The following RAB7B variants were observed in gnomAD, a reference collection of about 807,000 sequenced individuals.
The protein encoded by RAB7B is RAB7B, member RAS oncogene family, also known as ras-related protein Rab-7b.
chr1:205,984,405 G>T (rs951423828), intron 5 of RAB7B, among the ~76,000 whole-genome samples: 1 of 152,196 alleles, frequency 6.6e-6, no homozygotes, highest in African/African-American at 2.4e-5. Flanking sequence ...TCCCATGAGG[G>T]CGGCGGATGC....
chr1:205,985,791 G>GCCCACCAGGCCCACCAGGCCCACCATC, intron 4 of RAB7B, 126 bp from the exon 5 acceptor site: 1 of 277,176 alleles, frequency 3.6e-6, no homozygotes, highest in East Asian at 5.2e-5. Context: ...TCCCCACCAG[G>GCCCACCAGGCCCACCAGGCCCACCATC]CCCACCATCC....
intron 4 of RAB7B, among the ~76,000 whole-genome samples, chr1:205,989,714 T>TGGTGCC (rs1660684169): frequency 6.6e-6 from 1 of 152,202 alleles, no homozygotes; most frequent in South Asian, 2.1e-4. Flanking sequence ...CTTCTTTCCT[T>TGGTGCC]CGTGGTTTCT....
At chr1:205,990,140 C>A (rs1430881610) in intron 4 of RAB7B, among the ~76,000 whole-genome samples, 3 of 152,196 alleles carry the variant, frequency 2.0e-5, no homozygotes, top group Non-Finnish European at 2.9e-5. Context: ...AGACAGTCTA[C>A]CCTGGATACA....
At position 205,990,481 on chromosome 1, in the gene RAB7B, C is replaced by T. The variant is rs1456649355; in HGVS notation, c.396+1999G>A. On this transcript the variant is annotated intron_variant, in intron 4 of 5. Transcript: ENST00000617070. Reference sequence around the variant, plus strand: ...CTGGGCACCAGCTACCCTTGTCCCCCAGTGGAGCCAGAATGCATGAGTGTG... The same window carrying T: ...CTGGGCACCAGCTACCCTTGTCCCCTAGTGGAGCCAGAATGCATGAGTGTG... 2.0e-5 allele frequency among the ~76,000 whole-genome samples: 3 copies of T among 152,174 alleles called. No homozygotes were observed. In the South Asian group the frequency reaches 6.2e-4, roughly 32 times the overall value.
chr1:205,992,399 T>A (rs1287468365), intron 4 of RAB7B, 81 bp downstream of exon 4: 1 of 398,148 alleles, frequency 2.5e-6, no homozygotes, highest in Non-Finnish European at 4.4e-6. Flanking sequence ...CAGCTCTGTA[T>A]GTGTGGGACC....
intron 5 of RAB7B, among the ~76,000 whole-genome samples, chr1:205,979,742 G>C (rs1203055028): frequency 2.0e-5 from 3 of 152,176 alleles, no homozygotes; most frequent in African/African-American, 4.8e-5. Context: ...GGTGAGTGAT[G>C]AGCATTCACT....
chr1:205,981,730 T>C (rs1287145510), intron 5 of RAB7B, among the ~76,000 whole-genome samples: 1,342 of 6,930 alleles, frequency 0.19, 454 homozygotes, highest in Non-Finnish European at 0.62. Context: ...CAATGTTAAC[T>C]GAACACCTAC....
chr1:205,980,335 C>T (rs1208394093), intron 5 of RAB7B, among the ~76,000 whole-genome samples: 4 of 152,208 alleles, frequency 2.6e-5, no homozygotes, highest in Non-Finnish European at 5.9e-5. Flanking sequence ...GCACCCTCCC[C>T]GGGTGCAAGT....
At chr1:205,983,645 G>C (rs878889947) in intron 5 of RAB7B, 127,248 of 152,232 alleles carry the variant, frequency 0.84, 53,794 homozygotes, top group Non-Finnish European at 0.91. Context: ...AGAACCAGGG[G>C]AGGATTCAAA....
intron 1 of RAB7B, among the ~76,000 whole-genome samples, chr1:206,001,861 C>T (rs1217810906): frequency 1.3e-5 from 2 of 152,130 alleles, no homozygotes; most frequent in African/African-American, 2.4e-5. Flanking sequence ...GCTGGAACCC[C>T]CTTCCCTCTC....
intron 5 of RAB7B, among the ~76,000 whole-genome samples, chr1:205,981,382 A>G (rs1660487416): frequency 6.6e-6 from 1 of 152,252 alleles, no homozygotes; most frequent in African/African-American, 2.4e-5. Flanking sequence ...ATGTTAACTG[A>G]ACACCTACTC....
At chr1:205,987,371 T>C (rs1660629691) in intron 4 of RAB7B, among the ~76,000 whole-genome samples, 1 of 152,244 alleles carries the variant, frequency 6.6e-6, no homozygotes, top group Non-Finnish European at 1.5e-5. Flanking sequence ...TGCATTAATG[T>C]TGCTTTTGGT....
intron 5 of RAB7B, among the ~76,000 whole-genome samples, chr1:205,985,314 C>T (rs1467085513): frequency 1.3e-5 from 2 of 152,182 alleles, no homozygotes; most frequent in Non-Finnish European, 2.9e-5. Context: ...GCTGGATTGA[C>T]AGACCACTGA....
chr1:205,979,159 C>T (rs1326382001), intron 5 of RAB7B, among the ~76,000 whole-genome samples: 55 of 152,146 alleles, frequency 3.6e-4, no homozygotes, highest in South Asian at 2.1e-4. Flanking sequence ...TCTGAATTAG[C>T]GGCCCAAGTC....
intron 1 of RAB7B, among the ~76,000 whole-genome samples, chr1:205,997,896 C>T (rs1487555838): frequency 1.3e-5 from 2 of 152,226 alleles, no homozygotes; most frequent in African/African-American, 4.8e-5. Context: ...AGAGGCAGCA[C>T]TGGCTGAGCC....
intron 3 of RAB7B, 46 bp from the exon 4 acceptor site, chr1:205,992,741 G>GA: frequency 2.5e-6 from 1 of 398,768 alleles, no homozygotes; most frequent in Non-Finnish European, 4.4e-6. Context: ...TGAATGGCTG[G>GA]AAGGAGGCCC....
chr1:205,977,385 T>C lies in RAB7B; in HGVS notation c.*1466A>G, dbSNP rs1660400036. 5.3e-5 allele frequency: 8 copies of C among 152,218 alleles called. No individual in the cohort carries two copies. The highest frequency in any genetic ancestry group is 1.2e-4 in the Non-Finnish European group (8 of 68,048). The allele number at this position is 152,218 out of a possible 1,614,324, so 9.4% of individuals were successfully genotyped here. ...TGATTTCTTGCCTGAGTCATATATA[T>C]TGAAGTTTTTGCTCATTTCTTACTA... is the stretch of plus-strand genomic sequence containing the variant. On this transcript the variant is annotated 3_prime_UTR_variant, in exon 6 of 6. Coordinates refer to ENST00000617070, the MANE Select transcript of RAB7B (RefSeq NM_001164522.3).
At chr1:205,996,683 T>C (rs1253263433) in intron 1 of RAB7B, among the ~76,000 whole-genome samples, 4 of 152,216 alleles carry the variant, frequency 2.6e-5, no homozygotes, top group Admixed American at 1.3e-4. Context: ...TCTGTTCTCA[T>C]GCTATAAAGA....
chr1:205,980,398 A>G (rs1660468274), intron 5 of RAB7B, among the ~76,000 whole-genome samples: 1 of 152,366 alleles, frequency 6.6e-6, no homozygotes, highest in Non-Finnish European at 1.5e-5. Context: ...CAATGGCAGC[A>G]TCTTGTTCCT....
Sources: allele counts gnomAD v4.1 joint callset (sites outside exome capture counted in the v4.1 genomes callset), GRCh38; gene constraint gnomAD v4.1.1; transcripts MANE v1.5; gene names NCBI Gene and HGNC (gene_info 2026-07-23, HGNC 2026-07-21).